Variants in MIB1 observed in about 807,000 individuals in gnomAD.
MIB1 encodes the protein MIB E3 ubiquitin protein ligase 1.
Under a neutral mutation model 124.5 loss-of-function variants are expected in MIB1, and 278 were observed. The ratio of observed to expected loss-of-function variants is 2.23; its 90% confidence interval spans 2.02 to 2.47. The LOEUF is 2.47. Among genes scored for constraint, MIB1 ranks in the 30% most tolerant of loss-of-function variants. MIB1 has a pLI of 0.00. For missense variants in MIB1, 957 were observed against 1,254.4 expected (o/e 0.76, Z 3.58); for synonymous variants, 446 against 429.4 (o/e 1.04, Z -0.48).
chr18:21,769,402 G>A (rs961271999), intron 3 of MIB1, among the ~76,000 whole-genome samples: 4 of 152,128 alleles, frequency 2.6e-5, no homozygotes, highest in Non-Finnish European at 5.9e-5. Flanking sequence ...GAATAAAAAC[G>A]GTACAGTGGA....
intron 20 of MIB1, 55 bp from the exon 21 acceptor site, chr18:21,864,471 G>A (rs2042304329): frequency 1.4e-6 from 2 of 1,398,880 alleles, no homozygotes; most frequent in South Asian, 2.5e-5. Flanking sequence ...ATAACAGTCT[G>A]TCACTTTCCA....
chr18:21,805,862 A>G (rs2041698829), intron 10 of MIB1, among the ~76,000 whole-genome samples: 1 of 150,092 alleles, frequency 6.7e-6, no homozygotes. Flanking sequence ...TTAGGAATGA[A>G]ATTGGCACTG....
At chr18:21,742,503 A>T (rs997117200) in intron 1 of MIB1, among the ~76,000 whole-genome samples, 4 of 152,092 alleles carry the variant, frequency 2.6e-5, no homozygotes, top group African/African-American at 9.7e-5. Context: ...TTTTTGTTAC[A>T]CTAACGTCCG....
intron 12 of MIB1, among the ~76,000 whole-genome samples, chr18:21,821,823 G>C (rs548719607): frequency 2.0e-5 from 3 of 151,932 alleles, no homozygotes; most frequent in African/African-American, 7.3e-5. Context: ...GGATGGTCTC[G>C]ATCTCCTGAC....
At chr18:21,729,285 A>G (rs1278155735) in intron 1 of MIB1, among the ~76,000 whole-genome samples, 1 of 152,220 alleles carries the variant, frequency 6.6e-6, no homozygotes, top group East Asian at 1.9e-4. Context: ...TCGGGCTGCT[A>G]TAACAAAATA....
chr18:21,806,289 T>G (rs2041705829), intron 10 of MIB1, among the ~76,000 whole-genome samples: 2 of 151,584 alleles, frequency 1.3e-5, no homozygotes, highest in Non-Finnish European at 2.9e-5. Context: ...CAGCCTTGAA[T>G]TCCCAGGCTC....
At chr18:21,769,068 T>C (rs1047612763) in intron 3 of MIB1, among the ~76,000 whole-genome samples, 2 of 152,204 alleles carry the variant, frequency 1.3e-5, no homozygotes, top group Non-Finnish European at 2.9e-5. Flanking sequence ...TCCTCAACTT[T>C]CCTGCTATTT....
At chr18:21,840,655 ATATATATATATTTTTTTTTT>A (rs1446249136) in intron 13 of MIB1, among the ~76,000 whole-genome samples, 87 of 3,656 alleles carry the variant, frequency 0.024, no homozygotes, top group Non-Finnish European at 0.046. Context: ...ATATATATAT[ATATATATATATTTTTTTTTT>A]TTTTTAATTA....
At chr18:21,819,430 G>A (rs2041859601) in intron 11 of MIB1, 65 bp from the exon 12 acceptor site, 2 of 982,622 alleles carry the variant, frequency 2.0e-6, no homozygotes, top group Non-Finnish European at 3.0e-6. Flanking sequence ...AGCATTTGGT[G>A]TAAGTATTAC....
chr18:21,808,906 G>A (rs1254049988), intron 10 of MIB1, among the ~76,000 whole-genome samples: 1 of 151,840 alleles, frequency 6.6e-6, no homozygotes, highest in Non-Finnish European at 1.5e-5. Flanking sequence ...TAAGTTATAA[G>A]GACATTTGGG....
At chr18:21,765,409 T>C (rs184567329) in intron 1 of MIB1, among the ~76,000 whole-genome samples, 58 of 152,294 alleles carry the variant, frequency 3.8e-4, no homozygotes, top group East Asian at 7.7e-4. Context: ...TAGAAAATAG[T>C]TGAAAATTCT....
At chr18:21,773,373 A>G (rs1468011442) in intron 3 of MIB1, among the ~76,000 whole-genome samples, 1 of 152,194 alleles carries the variant, frequency 6.6e-6, no homozygotes, top group Non-Finnish European at 1.5e-5. Context: ...TATCACTGTA[A>G]TCCCCAAGCC....
At chr18:21,784,622 G>A (rs1461672595) in intron 6 of MIB1, among the ~76,000 whole-genome samples, 1 of 152,086 alleles carries the variant, frequency 6.6e-6, no homozygotes, top group Admixed American at 6.5e-5. Flanking sequence ...AATAATCTTT[G>A]TTCTACAATT....
chr18:21,797,745 T>C (rs2041600448), intron 7 of MIB1, among the ~76,000 whole-genome samples: 1 of 152,092 alleles, frequency 6.6e-6, no homozygotes, highest in African/African-American at 2.4e-5. Flanking sequence ...ATATTGATGA[T>C]AGATTTTAGA....
chr18:21,765,716 A>G, intron 1 of MIB1, 56 bp from the exon 2 acceptor site: 1 of 1,522,424 alleles, frequency 6.6e-7, no homozygotes, highest in Non-Finnish European at 9.0e-7. Flanking sequence ...CCAAGGAATA[A>G]TATTCAAATA....
At chr18:21,735,260 AG>A (rs1391717610) in intron 1 of MIB1, among the ~76,000 whole-genome samples, 1 of 152,182 alleles carries the variant, frequency 6.6e-6, no homozygotes, top group African/African-American at 2.4e-5. Context: ...AGGAAGCACA[AG>A]GGGTCAGTGG....
chr18:21,805,225 G>A (rs1211558228), intron 10 of MIB1, among the ~76,000 whole-genome samples: 1 of 151,944 alleles, frequency 6.6e-6, no homozygotes, highest in Non-Finnish European at 1.5e-5. Flanking sequence ...GTTGGCCGGG[G>A]TGGTCTCGAG....
intron 2 of MIB1, 123 bp downstream of exon 2, chr18:21,766,066 C>G: frequency 9.2e-6 from 8 of 872,376 alleles, no homozygotes; most frequent in African/African-American, 1.7e-5. Flanking sequence ...ACAGGAGGTA[C>G]CCAATAGTAG....
intron 1 of MIB1, among the ~76,000 whole-genome samples, chr18:21,730,338 G>A (rs774326631): frequency 2.6e-5 from 4 of 152,174 alleles, no homozygotes; most frequent in Admixed American, 6.6e-5. Context: ...AGGCCGAGGC[G>A]GGTGGATCAC....
Sources: gnomAD v4.1 joint callset for allele counts (sites outside exome capture counted in the v4.1 genomes callset) on GRCh38, gnomAD v4.1.1 for gene constraint, MANE v1.5 for transcripts, NCBI Gene and HGNC (gene_info 2026-07-23, HGNC 2026-07-21) for gene names.